The following USP31 variants were observed in gnomAD, a reference collection of about 807,000 sequenced individuals.
USP31 encodes ubiquitin specific peptidase 31.
In USP31, 44 loss-of-function variants were observed where a neutral mutation model predicts 119.4. The observed-to-expected ratio is 0.37, with a 90% CI of 0.29 to 0.47. The LOEUF (loss-of-function observed/expected upper bound fraction) is 0.47. USP31 is among the 20% of genes least tolerant of loss of function. USP31 has a pLI of 0.99. For missense variants in USP31, 1,643 were observed against 1,730.2 expected, an observed-to-expected ratio of 0.95 and a Z score of 0.89; for synonymous variants, 749 against 705.6, an observed-to-expected ratio of 1.06 and a Z score of -0.97.
At chr16:23,091,013 G>C (rs982986775) in intron 6 of USP31, among the ~76,000 whole-genome samples, 5 of 152,004 alleles carry the variant, frequency 3.3e-5, no homozygotes, top group African/African-American at 1.2e-4. Context: ...CTTTAAACTA[G>C]CCTTACCTAT....
At chr16:23,070,630 C>T (rs375964638) in intron 15 of USP31, among the ~76,000 whole-genome samples, 2,122 of 151,746 alleles carry the variant, frequency 0.014, 15 homozygotes, top group African/African-American at 0.022. Flanking sequence ...AGGAGAATGG[C>T]GTGAACCTGG....
At position 23,069,318 on chromosome 16, in the gene USP31, A is replaced by G. The variant is rs916438945; in HGVS notation, c.2787T>C (p.His929=). The change falls in exon 16 of 16, where the codon CAT becomes CAC. Residue 929 remains histidine, a synonymous_variant. Transcript: ENST00000219689. ...CCACAGCCTTGTGCTCACGGCGACT[A>G]TGACTGTCGCTTGGTTCCTGGTAAC... ...SSSYQEPSDS[H]SRREHKAVGR... is the part of the protein sequence containing the mutation. 2 of 1,604,558 alleles carry G rather than the reference A, an allele frequency of 1.2e-6. No homozygotes were observed. The highest frequency in any genetic ancestry group is 1.7e-6 in the Non-Finnish European group (2 of 1,174,598).
rs916654713 is a variant in USP31 at position 23,149,413 on chromosome 16, C to G, written c.-143G>C. 7 of 956,770 alleles carry G rather than the reference C, an allele frequency of 7.3e-6. No homozygotes were observed. In the East Asian group the frequency reaches 5.8e-4, roughly 79 times the overall value. The allele number at this position is 956,770 out of a possible 1,614,324, so 59.3% of individuals were successfully genotyped here. ...ACACCTCAAAGCGCAGCCGAGCCAG[C>G]GAGCGAGCGGCGGCCGGCGGGGCCA... On this transcript the variant is annotated 5_prime_UTR_variant, in exon 1 of 16. Transcript: ENST00000219689.
chr16:23,148,778 G>C lies in USP31; in HGVS notation c.493C>G (p.Arg165Gly), dbSNP rs1048503030. ...TCCGGGTCAGGCGAGGGCTCGGGCC[G>C]CCCCGCCCGGTACTGGCCCAGCGCC... ...YLALGQYRAG[R>G]PEPSPDPEQP... The change falls in exon 1 of 16, where the codon CGG becomes GGG. Residue 165 changes from arginine to glycine, a missense_variant. Coordinates refer to ENST00000219689, the MANE Select transcript of USP31 (RefSeq NM_020718.4). 8.5e-6 allele frequency: 13 copies of C among 1,531,996 alleles called. No homozygotes were observed. The highest frequency in any genetic ancestry group is 1.1e-5 in the Non-Finnish European group (13 of 1,144,882). The allele number at this position is 1,531,996 out of a possible 1,614,324, so 94.9% of individuals were successfully genotyped here. A position where few individuals can be genotyped will look rare whatever the true frequency, so the allele number is the denominator to read the frequency against.
intron 1 of USP31, among the ~76,000 whole-genome samples, chr16:23,118,289 TCA>T (rs1389426420): frequency 3.3e-5 from 5 of 152,126 alleles, no homozygotes; most frequent in Non-Finnish European, 7.4e-5. Context: ...AAGAAAAGAA[TCA>T]CCCTATGATA....
intron 1 of USP31, among the ~76,000 whole-genome samples, chr16:23,136,639 G>T (rs1441906089): frequency 6.8e-6 from 1 of 146,566 alleles, no homozygotes; most frequent in African/African-American, 2.5e-5. Flanking sequence ...AGGCAACAAA[G>T]CAAGACTTCA....
intron 13 of USP31, among the ~76,000 whole-genome samples, chr16:23,074,167 G>A (rs868113645): frequency 9.2e-5 from 14 of 152,212 alleles, no homozygotes; most frequent in East Asian, 5.8e-4. Context: ...TGTCTGTGGC[G>A]GGGGGAGTGG....
rs780859517 is a variant in USP31 at position 23,090,661 on chromosome 16, C to G, written c.1378G>C (p.Val460Leu). Reference sequence around the variant, plus strand: ...TGCCCAGTGCAGGCTCGGTTACACACCAACAGGACAATCTTGTCGCTGCCT... The same window carrying G: ...TGCCCAGTGCAGGCTCGGTTACACAGCAACAGGACAATCTTGTCGCTGCCT... ...RAGSDKIVLL[V>L]CNRACTGQQG... The change falls in exon 7 of 16, where the codon GTG becomes CTG. Residue 460 changes from valine to leucine, a missense_variant. Physicochemically the swap from Val to Leu is conservative, Grantham distance 32 (BLOSUM62 1). Transcript: ENST00000219689. 1.9e-6 allele frequency: 3 copies of G among 1,613,982 alleles called. No homozygotes were observed. The highest frequency in any genetic ancestry group is 2.5e-6 in the Non-Finnish European group (3 of 1,179,872).
rs567134385 is a variant in USP31, at chr16:23,065,012, G to A, written c.*3034C>T. 1 of 152,280 alleles carries A rather than the reference G, an allele frequency of 6.6e-6. No individual in the cohort carries two copies. The highest frequency in any genetic ancestry group is 1.9e-4 in the East Asian group (1 of 5,186). The allele number at this position is 152,280 out of a possible 1,614,324, so 9.4% of individuals were successfully genotyped here. A position where few individuals can be genotyped will look rare whatever the true frequency, so the allele number is the denominator to read the frequency against. On this transcript the variant is annotated 3_prime_UTR_variant, in exon 16 of 16. Coordinates refer to ENST00000219689, the MANE Select transcript of USP31 (RefSeq NM_020718.4). ...GGATGGGAAATGGTCTAAGATGACT[G>A]GAGCCTAACGGTTTGAGTTTCCACA... is the stretch of plus-strand genomic sequence containing the variant.
intron 1 of USP31, among the ~76,000 whole-genome samples, chr16:23,136,923 C>T (rs568556988): frequency 2.0e-4 from 31 of 152,076 alleles, no homozygotes; most frequent in Non-Finnish European, 3.7e-4. Context: ...AAATCAAAAC[C>T]ACAATGAGGC....
chr16:23,068,499 G>A lies in USP31; in HGVS notation c.3606C>T (p.Ala1202=). 3 of 1,613,536 alleles carry A rather than the reference G, an allele frequency of 1.9e-6. No individual in the cohort carries two copies. The highest frequency in any genetic ancestry group is 2.5e-6 in the Non-Finnish European group (3 of 1,179,658). Residue 1202 remains alanine (A), a synonymous_variant, in exon 16 of 16, where the codon GCC becomes GCT. Transcript: ENST00000219689. ...TGCTTGTGCTGGGGGAGCGCAGGCT[G>A]GCCATGGAGGAGCTCCGCACGTGCT... ...AGKHVRSSSM[A]SLRSPSTSIK...
At chr16:23,122,813 C>T (rs1250232857) in intron 1 of USP31, among the ~76,000 whole-genome samples, 2 of 151,958 alleles carry the variant, frequency 1.3e-5, no homozygotes, top group Non-Finnish European at 2.9e-5. Context: ...GGAGTGACTG[C>T]TAATGAGTAT....
intron 6 of USP31, among the ~76,000 whole-genome samples, chr16:23,092,952 T>C (rs189209877): frequency 6.6e-6 from 1 of 152,100 alleles, no homozygotes; most frequent in Non-Finnish European, 1.5e-5. Context: ...AATCTCTTCA[T>C]CAAATGGTGC....
Position 23,062,658 on chromosome 16 carries a change from G to A in USP31, c.*5388C>T, listed in dbSNP as rs1220033405. 2 of 152,436 alleles carry A rather than the reference G, an allele frequency of 1.3e-5. No homozygotes were observed. The highest frequency in any genetic ancestry group is 4.8e-5 in the African/African-American group (2 of 41,438). The allele number at this position is 152,436 out of a possible 1,614,324, so 9.4% of individuals were successfully genotyped here. On this transcript the variant is annotated 3_prime_UTR_variant, in exon 16 of 16. Coordinates refer to ENST00000219689, the MANE Select transcript of USP31 (RefSeq NM_020718.4). ...TATTCCCCCACGGGCCTGGGGAAAA[G>A]GTTCTGGGGACAGATGCAAACCCCG... is the stretch of plus-strand genomic sequence containing the variant.
rs1441200269 is a variant in USP31 at position 23,066,698 on chromosome 16, T to C, written c.*1348A>G. 1.3e-5 allele frequency: 2 copies of C among 152,130 alleles called. No homozygotes were observed. The highest frequency in any genetic ancestry group is 2.1e-4 in the South Asian group (1 of 4,824). The allele number at this position is 152,130 out of a possible 1,614,324, so 9.4% of individuals were successfully genotyped here. On this transcript the variant is annotated 3_prime_UTR_variant, in exon 16 of 16. Transcript: ENST00000219689. The stretch of plus-strand genomic sequence containing the variant: ...AAGCTAAAAATTGAGCAGGAAAGTA[T>C]TGCCAGGAGACCTTGAAAAAGCTTG...
intron 11 of USP31, among the ~76,000 whole-genome samples, chr16:23,084,165 T>C (rs17796716): frequency 0.052 from 7,916 of 152,286 alleles, 310 homozygotes; most frequent in Non-Finnish European, 0.072. Context: ...ATTATGATCC[T>C]AGATATCAAT....
intron 1 of USP31, among the ~76,000 whole-genome samples, chr16:23,123,124 G>A (rs1567243543): frequency 1.3e-5 from 2 of 152,178 alleles, no homozygotes; most frequent in African/African-American, 4.8e-5. Flanking sequence ...GTACCTTCTG[G>A]AGTGTTAGAG....
At chr16:23,071,469 A>G (rs1461879846) in intron 15 of USP31, among the ~76,000 whole-genome samples, 2 of 102,046 alleles carry the variant, frequency 2.0e-5, no homozygotes, top group African/African-American at 6.7e-5. Context: ...GAAAGTTTAA[A>G]AAGAAAAAAA....
intron 7 of USP31, among the ~76,000 whole-genome samples, chr16:23,089,269 T>C (rs34112762): frequency 0.27 from 41,610 of 152,038 alleles, 6,135 homozygotes; most frequent in Admixed American, 0.35. Context: ...TTCAGGGACG[T>C]CTTCCCTGAC....
Sources: allele counts gnomAD v4.1 joint callset (sites outside exome capture counted in the v4.1 genomes callset), GRCh38; gene constraint gnomAD v4.1.1; transcripts MANE v1.5; gene names NCBI Gene and HGNC (gene_info 2026-07-23, HGNC 2026-07-21).